PAWR: variants seen among roughly 807,000 people sequenced by gnomAD.
The protein encoded by PAWR is pro-apoptotic WT1 regulator.
In PAWR, 23 loss-of-function variants were observed where a neutral mutation model predicts 32.0. That is an observed-to-expected ratio of 0.72 (90% CI 0.52 to 1.02). The LOEUF (loss-of-function observed/expected upper bound fraction) is 1.02, where lower values mean the gene tolerates loss of function less well. PAWR is among the 50% of genes least tolerant of loss of function. The pLI, the probability that PAWR is intolerant of heterozygous loss-of-function variation, is 0.00. For missense variants in PAWR, 457 were observed against 437.7 expected (o/e 1.04, Z -0.39); for synonymous variants, 226 against 187.1 (o/e 1.21, Z -1.70).
chr12:79,596,596 A>G lies in PAWR; in HGVS notation c.746T>C (p.Phe249Ser). Reference protein sequence around the residue: ...SRYSRTDRSGFPRYNRDANVS... With the variant: ...SRYSRTDRSGSPRYNRDANVS... The stretch of plus-strand genomic sequence containing the variant: ...ATTTGCATCCCTGTTATATCTAGGG[A>G]ACCCACTTCTATCTGTTCGAGAATA... Residue 249 changes from phenylalanine (F) to serine (S), a missense_variant, in exon 5 of 7, where the codon TTC becomes TCC. Coordinates refer to ENST00000328827, the MANE Select transcript of PAWR (RefSeq NM_002583.4). 6.3e-7 allele frequency: 1 copy of G among 1,598,362 alleles called. No individual in the cohort carries two copies. Among genetic ancestry groups the G allele is most frequent in the Non-Finnish European group, 8.6e-7 (1 of 1,167,110 alleles).
intron 2 of PAWR, among the ~76,000 whole-genome samples, chr12:79,636,947 G>C (rs568400498): frequency 6.6e-6 from 1 of 152,056 alleles, no homozygotes; most frequent in South Asian, 2.1e-4. Context: ...CCTCAACAAG[G>C]CTCTAATAAG....
chr12:79,594,735 G>C (rs1367210902), intron 5 of PAWR, among the ~76,000 whole-genome samples: 1 of 151,616 alleles, frequency 6.6e-6, no homozygotes, highest in Non-Finnish European at 1.5e-5. Context: ...GTGTATGTAT[G>C]TATGGCAGTG....
intron 2 of PAWR, among the ~76,000 whole-genome samples, chr12:79,656,007 T>C (rs552475934): frequency 9.9e-5 from 15 of 152,284 alleles, no homozygotes; most frequent in Admixed American, 5.2e-4. Context: ...AAATGTGGGA[T>C]AGAACTCCTT....
chr12:79,595,916 TG>T (rs2136674267), intron 5 of PAWR, among the ~76,000 whole-genome samples: 1 of 152,212 alleles, frequency 6.6e-6, no homozygotes, highest in East Asian at 1.9e-4. Flanking sequence ...AAGAAACTGT[TG>T]TTAAAGCTTA....
intron 2 of PAWR, among the ~76,000 whole-genome samples, chr12:79,657,062 G>T (rs1456477450): frequency 6.6e-6 from 1 of 152,150 alleles, no homozygotes; most frequent in African/African-American, 2.4e-5. Flanking sequence ...AGGCTGGGGA[G>T]AGTCATCCGA....
chr12:79,608,619 G>A (rs1180750401), intron 4 of PAWR, among the ~76,000 whole-genome samples: 1 of 152,196 alleles, frequency 6.6e-6, no homozygotes, highest in African/African-American at 2.4e-5. Flanking sequence ...ATGCATTTAT[G>A]TTATGTAGAA....
intron 3 of PAWR, among the ~76,000 whole-genome samples, chr12:79,617,100 G>A (rs1454240977): frequency 6.6e-6 from 1 of 152,162 alleles, no homozygotes; most frequent in African/African-American, 2.4e-5. Context: ...GCTCACACCT[G>A]TAATCCCAGC....
chr12:79,638,862 T>TTATATATATATATATATATATATATA (rs1876105024), intron 2 of PAWR, among the ~76,000 whole-genome samples: 1 of 25,428 alleles, frequency 3.9e-5, no homozygotes, highest in African/African-American at 1.7e-4. Context: ...TGAGATGGAG[T>TTATATATATATATATATATATATATA]CATATATATA....
chr12:79,658,752 C>T (rs777343053), intron 2 of PAWR, among the ~76,000 whole-genome samples: 50 of 152,134 alleles, frequency 3.3e-4, no homozygotes, highest in Admixed American at 5.2e-4. Flanking sequence ...CAACCTCCAC[C>T]TCCCAAATTC....
At chr12:79,641,829 G>A (rs1373777345) in intron 2 of PAWR, among the ~76,000 whole-genome samples, 1 of 113,138 alleles carries the variant, frequency 8.8e-6, no homozygotes, top group African/African-American at 3.2e-5. Context: ...CCTGGCAACC[G>A]AGCGAGACTC....
chr12:79,636,843 T>C (rs911352552), intron 2 of PAWR, among the ~76,000 whole-genome samples: 1 of 152,176 alleles, frequency 6.6e-6, no homozygotes, highest in Non-Finnish European at 1.5e-5. Flanking sequence ...TATCCAAATA[T>C]GCCTGTAGAC....
chr12:79,675,256 T>C (rs1294221456), intron 2 of PAWR, among the ~76,000 whole-genome samples: 3 of 152,090 alleles, frequency 2.0e-5, no homozygotes, highest in African/African-American at 7.2e-5. Flanking sequence ...GCCGCACTTG[T>C]GTTCGCAGCT....
rs1315039460 is a variant in PAWR at position 79,604,755 on chromosome 12, C to A, written c.684-8097G>T. 2.6e-6 allele frequency: 3 copies of A among 1,168,600 alleles called. No individual in the cohort carries two copies. In the African/African-American group the frequency reaches 4.8e-5, roughly 19 times the overall value. The allele number at this position is 1,168,600 out of a possible 1,614,324, so 72.4% of individuals were successfully genotyped here. ...ACAAACATACACATAAGCACATACA[C>A]CAACAACTAAAAATCAAAATCAACT... is the stretch of plus-strand genomic sequence containing the variant. On this transcript the variant is annotated intron_variant, in intron 4 of 6. Transcript: ENST00000328827.
At chr12:79,603,430 C>T (rs1874037929) in intron 4 of PAWR, among the ~76,000 whole-genome samples, 1 of 151,712 alleles carries the variant, frequency 6.6e-6, no homozygotes, top group African/African-American at 2.4e-5. Context: ...TTTAAAGGAC[C>T]CATTTTTCAC....
chr12:79,674,388 T>TAA (rs79442053), intron 2 of PAWR, among the ~76,000 whole-genome samples: 1 of 140,338 alleles, frequency 7.1e-6, no homozygotes. Flanking sequence ...TTTCACCAGA[T>TAA]AAAAAAAAAA....
intron 2 of PAWR, among the ~76,000 whole-genome samples, chr12:79,639,923 G>C (rs956573063): frequency 2.4e-5 from 3 of 124,322 alleles, no homozygotes; most frequent in African/African-American, 1.7e-4. Flanking sequence ...TTCTATTCTA[G>C]AGATGGAGTC....
At chr12:79,645,798 T>C (rs1182526650) in intron 2 of PAWR, among the ~76,000 whole-genome samples, 1 of 152,238 alleles carries the variant, frequency 6.6e-6, no homozygotes, top group Admixed American at 6.5e-5. Flanking sequence ...ACTATAGTGT[T>C]TCATTGTATA....
At chr12:79,642,188 T>C (rs1164402382) in intron 2 of PAWR, among the ~76,000 whole-genome samples, 2 of 152,210 alleles carry the variant, frequency 1.3e-5, no homozygotes, top group African/African-American at 2.4e-5. Flanking sequence ...GGCTGCTTAA[T>C]AGATAAGACT....
chr12:79,603,400 T>C lies in PAWR; in HGVS notation c.684-6742A>G, dbSNP rs191118545. Among the ~76,000 whole-genome samples, 99 of 152,100 alleles carry C rather than the reference T, an allele frequency of 6.5e-4. 1 individual carries two copies. The highest frequency in any genetic ancestry group is 5.1e-4 in the Non-Finnish European group (35 of 67,992). ...GTATCACTAAAGCCATACCATATTA[T>C]AGAAGACCATTAGAAGCATTTTAAA... is the stretch of plus-strand genomic sequence containing the variant. On this transcript the variant is annotated intron_variant, in intron 4 of 6. Transcript: ENST00000328827.
Sources: gnomAD v4.1 joint callset for allele counts (sites outside exome capture counted in the v4.1 genomes callset) on GRCh38, gnomAD v4.1.1 for gene constraint, MANE v1.5 for transcripts, NCBI Gene and HGNC (gene_info 2026-07-23, HGNC 2026-07-21) for gene names.